The following PMF1 variants were observed in gnomAD, a reference collection of about 807,000 sequenced individuals.
PMF1 encodes polyamine-modulated factor 1.
In PMF1, 21 loss-of-function variants were observed where a neutral mutation model predicts 26.7. The ratio of observed to expected loss-of-function variants is 0.79; its 90% CI spans 0.56 to 1.13. PMF1 has a LOEUF of 1.13. Ranked by LOEUF, PMF1 falls within the 50% of genes most tolerant of loss-of-function variation. The pLI, the probability that PMF1 is intolerant of heterozygous loss-of-function variation, is 0.00. For missense variants in PMF1, 266 were observed against 254.9 expected (o/e 1.04, Z -0.30); for synonymous variants, 105 against 101.0 (o/e 1.04, Z -0.24).
intron 1 of PMF1, among the ~76,000 whole-genome samples, chr1:156,215,521 CTTAG>C (rs1657652033): frequency 6.6e-6 from 1 of 151,938 alleles, no homozygotes; most frequent in Non-Finnish European, 1.5e-5. Flanking sequence ...CCCACTTTCT[CTTAG>C]TTATATGTCC....
intron 1 of PMF1, among the ~76,000 whole-genome samples, chr1:156,214,249 T>G (rs531637865): frequency 6.6e-6 from 1 of 152,266 alleles, no homozygotes; most frequent in Admixed American, 6.5e-5. Flanking sequence ...TCGAGAGTTT[T>G]GCCCATGATC....
intron 3 of PMF1, among the ~76,000 whole-genome samples, chr1:156,235,392 G>A (rs1426336770): frequency 3.3e-5 from 5 of 150,632 alleles, no homozygotes; most frequent in Non-Finnish European, 7.4e-5. Flanking sequence ...CCAAAGTGCT[G>A]AGATTACAGG....
chr1:156,229,950 AG>A (rs1658602360), intron 1 of PMF1, among the ~76,000 whole-genome samples: 1 of 152,246 alleles, frequency 6.6e-6, no homozygotes. Flanking sequence ...CACTTGGCCC[AG>A]AGTTCCTGGA....
chr1:156,220,104 C>T (rs1312657046), intron 1 of PMF1, among the ~76,000 whole-genome samples: 3 of 152,122 alleles, frequency 2.0e-5, no homozygotes, highest in African/African-American at 7.2e-5. Flanking sequence ...GCTGGGACTA[C>T]AGGCACCCGC....
intron 1 of PMF1, among the ~76,000 whole-genome samples, chr1:156,214,361 T>G (rs1485216521): frequency 2.6e-5 from 4 of 152,188 alleles, no homozygotes; most frequent in Non-Finnish European, 5.9e-5. Context: ...TCCCTGTTCT[T>G]TGGCTTCATC....
intron 1 of PMF1, among the ~76,000 whole-genome samples, chr1:156,230,797 C>A (rs1424375670): frequency 6.6e-6 from 1 of 152,086 alleles, no homozygotes; most frequent in Non-Finnish European, 1.5e-5. Flanking sequence ...CATGATGGCT[C>A]ACCCCTAGAC....
In PMF1 at chr1:156,217,233, TAA is replaced by T. The variant is rs558492040; in HGVS notation, c.161+4068_161+4069del. On this transcript the variant is annotated intron_variant, in intron 1 of 4. Coordinates refer to ENST00000368277, the MANE Select transcript of PMF1 (RefSeq NM_007221.4). ...ATGTACCCTAAAACTTAAAGTATAATAAAAAAAAAAAAGAAAAAAAAAAAAGG... is the reference window on the plus strand; with the variant it reads ...ATGTACCCTAAAACTTAAAGTATAATAAAAAAAAAAGAAAAAAAAAAAAGG... Among the ~76,000 whole-genome samples the T allele has an allele frequency of 2.3e-4, 23 of 97,942 alleles. 1 individual carries two copies. The highest frequency in any genetic ancestry group is 7.2e-4 in the African/African-American group (17 of 23,716). The allele number at this position is 97,942 out of a possible 152,430, so 64.3% of individuals were successfully genotyped here.
At chr1:156,219,835 C>T (rs2853646) in intron 1 of PMF1, among the ~76,000 whole-genome samples, 44,876 of 152,010 alleles carry the variant, frequency 0.3, 6,805 homozygotes, top group Non-Finnish European at 0.33. Context: ...CTGCAACCTC[C>T]GCCTCCCTGG....
At chr1:156,231,868 C>G (rs917563445) in intron 1 of PMF1, among the ~76,000 whole-genome samples, 1 of 152,140 alleles carries the variant, frequency 6.6e-6, no homozygotes, top group Non-Finnish European at 1.5e-5. Context: ...AATGTCCTGC[C>G]GAGAGAGCAT....
intron 1 of PMF1, among the ~76,000 whole-genome samples, chr1:156,222,662 A>G (rs922619930): frequency 2.0e-5 from 3 of 151,398 alleles, no homozygotes; most frequent in Non-Finnish European, 4.4e-5. Context: ...GACTACAGAC[A>G]TGAGCCACTG....
intron 1 of PMF1, chr1:156,225,465 C>G (rs929411933): frequency 3.0e-5 from 22 of 731,468 alleles, no homozygotes; most frequent in Non-Finnish European, 4.8e-5. Flanking sequence ...ACCCTTTCCC[C>G]ACAGTTGGCA....
chr1:156,233,449 C>T (rs114510030), intron 2 of PMF1, among the ~76,000 whole-genome samples, 179 bp from the exon 3 acceptor site: 418 of 151,654 alleles, frequency 2.8e-3, no homozygotes, highest in African/African-American at 9.7e-3. Flanking sequence ...TGAACCACGA[C>T]GCCCAGCCTA....
intron 1 of PMF1, among the ~76,000 whole-genome samples, chr1:156,221,842 A>G (rs1186325511): frequency 1.3e-5 from 2 of 152,108 alleles, no homozygotes; most frequent in Admixed American, 6.6e-5. Context: ...TGGCCTGTCC[A>G]TCCCTTTCAC....
intron 1 of PMF1, among the ~76,000 whole-genome samples, chr1:156,231,473 C>T (rs1414076838): frequency 2.0e-5 from 3 of 151,610 alleles, no homozygotes; most frequent in Admixed American, 6.6e-5. Flanking sequence ...GAGGCTGAGG[C>T]GGGTGGATCA....
At chr1:156,221,451 G>T (rs957347356) in intron 1 of PMF1, among the ~76,000 whole-genome samples, 10 of 152,162 alleles carry the variant, frequency 6.6e-5, no homozygotes, top group Admixed American at 6.5e-4. Flanking sequence ...AGCACATATT[G>T]CAGTCTGCTG....
chr1:156,222,140 C>T (rs1180092571), intron 1 of PMF1, among the ~76,000 whole-genome samples: 3 of 152,176 alleles, frequency 2.0e-5, no homozygotes, highest in Non-Finnish European at 4.4e-5. Flanking sequence ...CCCATCTCAC[C>T]AACCCCAAGT....
intron 1 of PMF1, among the ~76,000 whole-genome samples, chr1:156,222,570 T>C (rs1202191904): frequency 6.6e-6 from 1 of 152,038 alleles, no homozygotes; most frequent in African/African-American, 2.4e-5. Flanking sequence ...GTAGTAGAGA[T>C]GGGGTTTCTC....
At chr1:156,231,611 G>T (rs1350792468) in intron 1 of PMF1, among the ~76,000 whole-genome samples, 1 of 151,582 alleles carries the variant, frequency 6.6e-6, no homozygotes, top group Non-Finnish European at 1.5e-5. Flanking sequence ...GCTGAGGTAG[G>T]AGAATCGCTT....
intron 2 of PMF1, among the ~76,000 whole-genome samples, chr1:156,232,658 C>G (rs1307309022): frequency 6.6e-6 from 1 of 151,938 alleles, no homozygotes; most frequent in South Asian, 2.1e-4. Context: ...TTTATGTTGC[C>G]TGCTCTCTAG....
Sources: allele counts gnomAD v4.1 joint callset (sites outside exome capture counted in the v4.1 genomes callset), GRCh38; gene constraint gnomAD v4.1.1; transcripts MANE v1.5; gene names NCBI Gene and HGNC (gene_info 2026-07-23, HGNC 2026-07-21).